Variants in CRISPLD2 observed in about 807,000 individuals in gnomAD.
CRISPLD2 encodes the protein cysteine rich secretory protein LCCL domain containing 2, also known as cysteine-rich secretory protein LCCL domain-containing 2.
CRISPLD2 carries 47 observed loss-of-function variants against 71.1 expected under a neutral mutation model. The ratio of observed to expected loss-of-function variants is 0.66; its 90% CI spans 0.52 to 0.84. CRISPLD2 has a LOEUF of 0.84. CRISPLD2 is among the 40% of genes least tolerant of loss of function. The pLI, the probability that CRISPLD2 is intolerant of heterozygous loss-of-function variation, is 0.00. For missense variants in CRISPLD2, 830 were observed against 651.1 expected, an observed-to-expected ratio of 1.27 and a Z score of -2.99; for synonymous variants, 317 against 250.1, an observed-to-expected ratio of 1.27 and a Z score of -2.52.
At chr16:84,905,831 T>TC (rs1413531137) in intron 14 of CRISPLD2, among the ~76,000 whole-genome samples, 1 of 150,536 alleles carries the variant, frequency 6.6e-6, no homozygotes, top group Non-Finnish European at 1.5e-5. Context: ...TGCCTCAGCC[T>TC]CCCGAGTAGC....
intron 6 of CRISPLD2, among the ~76,000 whole-genome samples, chr16:84,862,539 A>G (rs900847639): frequency 5.3e-5 from 8 of 152,076 alleles, no homozygotes; most frequent in Non-Finnish European, 5.9e-5. Flanking sequence ...CACTTCTGCT[A>G]CTATAAATAA....
chr16:84,850,657 C>T lies in CRISPLD2; in HGVS notation c.582C>T (p.Val194=), dbSNP rs779069297. 5.0e-6 allele frequency: 8 copies of T among 1,613,882 alleles called. No individual in the cohort carries two copies. In the African/African-American group the frequency reaches 9.3e-5, roughly 19 times the overall value. Residue 194 remains valine, a synonymous_variant, in exon 5 of 15, where the codon GTC becomes GTT. Transcript: ENST00000262424. ...TVWGEVWENA[V]YFVCNYSPKG... ...GGGGAGAAGTTTGGGAGAACGCGGT[C>T]TACTTTGTCTGCAATTATTCTCCAA...
intron 2 of CRISPLD2, among the ~76,000 whole-genome samples, chr16:84,840,687 T>A (rs573697187): frequency 6.6e-6 from 1 of 152,174 alleles, no homozygotes; most frequent in South Asian, 2.1e-4. Context: ...TTTGTATTTT[T>A]ATTAGAGACG....
intron 1 of CRISPLD2, among the ~76,000 whole-genome samples, chr16:84,821,071 A>T (rs1257987732): frequency 6.6e-6 from 1 of 152,204 alleles, no homozygotes; most frequent in Non-Finnish European, 1.5e-5. Context: ...GGCTGAGAGA[A>T]GCATCCCGTG....
intron 6 of CRISPLD2, among the ~76,000 whole-genome samples, chr16:84,856,783 G>A (rs1917252400): frequency 6.6e-6 from 1 of 152,208 alleles, no homozygotes; most frequent in African/African-American, 2.4e-5. Flanking sequence ...GCTTCAGAAT[G>A]TTGGGGAACA....
At chr16:84,820,859 G>A (rs1056830774) in intron 1 of CRISPLD2, among the ~76,000 whole-genome samples, 4 of 152,120 alleles carry the variant, frequency 2.6e-5, no homozygotes, top group East Asian at 1.9e-4. Context: ...CCCTGGAAGC[G>A]GAGGGCTCAC....
chr16:84,848,318 A>C (rs950011241), intron 3 of CRISPLD2, among the ~76,000 whole-genome samples: 28 of 152,292 alleles, frequency 1.8e-4, no homozygotes, highest in Middle Eastern at 3.4e-3. Context: ...CAAGACCTCT[A>C]ACTGCCTCGA....
intron 13 of CRISPLD2, among the ~76,000 whole-genome samples, chr16:84,880,886 G>A (rs1448350648): frequency 6.6e-6 from 1 of 151,960 alleles, no homozygotes; most frequent in African/African-American, 2.4e-5. Flanking sequence ...TGTATTTTCA[G>A]TAGAGACAGG....
intron 1 of CRISPLD2, 42 bp from the exon 2 acceptor site, chr16:84,838,380 C>T (rs1808116992): frequency 6.1e-6 from 8 of 1,315,246 alleles, no homozygotes; most frequent in African/African-American, 2.9e-5. Context: ...TGACCGGCTC[C>T]TACTAATGCG....
At chr16:84,889,824 A>G (rs1772468499) in intron 14 of CRISPLD2, among the ~76,000 whole-genome samples, 1 of 151,526 alleles carries the variant, frequency 6.6e-6, no homozygotes, top group Admixed American at 6.6e-5. Flanking sequence ...GGATCAAATG[A>G]TAGTTACATA....
intron 13 of CRISPLD2, among the ~76,000 whole-genome samples, chr16:84,888,638 C>T (rs991238697): frequency 6.6e-6 from 1 of 152,236 alleles, no homozygotes; most frequent in African/African-American, 2.4e-5. Flanking sequence ...CTCTGCCTGA[C>T]TCACTGTATT....
intron 1 of CRISPLD2, among the ~76,000 whole-genome samples, chr16:84,834,256 G>A (rs773969617): frequency 8.5e-5 from 13 of 152,228 alleles, no homozygotes; most frequent in East Asian, 7.7e-4. Context: ...GGCCCCCTTC[G>A]CCCTGAGGGT....
At chr16:84,841,063 C>G (rs542531948) in intron 2 of CRISPLD2, among the ~76,000 whole-genome samples, 48 of 152,276 alleles carry the variant, frequency 3.2e-4, no homozygotes, top group African/African-American at 1.1e-3. Flanking sequence ...GGAGCACCTT[C>G]GATGTGCCAG....
In CRISPLD2 at chr16:84,866,971, C is replaced by G. The variant is rs150433030; in HGVS notation, c.784C>G (p.His262Asp). The G allele has an allele frequency of 4.2e-3, 6,844 of 1,614,018 alleles. 21 individuals are homozygous for G. Among genetic ancestry groups the G allele is most frequent in the Non-Finnish European group, 5.2e-3 (6,135 of 1,179,998 alleles). Residue 262 changes from histidine to aspartate, a missense_variant, in exon 7 of 15, where the codon CAT becomes GAT. Coordinates refer to ENST00000262424, the MANE Select transcript of CRISPLD2 (RefSeq NM_031476.4). ...AACGGCTCCCATTCCTGAAGAAAAC[C>G]ATGTTTGGCTCCAACCGAGGGTGAT... is the stretch of plus-strand genomic sequence containing the variant. ...VETAPIPEEN[H>D]VWLQPRVMRP...
At chr16:84,898,108 C>T (rs2071722426) in intron 14 of CRISPLD2, among the ~76,000 whole-genome samples, 1 of 152,168 alleles carries the variant, frequency 6.6e-6, no homozygotes, top group Non-Finnish European at 1.5e-5. Context: ...TTTTCTTTCA[C>T]TGTAATAAAC....
At chr16:84,836,841 C>A (rs963822878) in intron 1 of CRISPLD2, among the ~76,000 whole-genome samples, 6 of 152,288 alleles carry the variant, frequency 3.9e-5, no homozygotes, top group East Asian at 1.9e-4. Flanking sequence ...ATGTGAAGAA[C>A]TGAGCCCCGT....
chr16:84,850,492 A>T, intron 4 of CRISPLD2, 76 bp from the exon 5 acceptor site: 1 of 1,206,720 alleles, frequency 8.3e-7, no homozygotes, highest in African/African-American at 1.5e-5. Context: ...CCAGCACCTT[A>T]TACATCCAGG....
At chr16:84,861,616 A>C (rs779597337) in intron 6 of CRISPLD2, among the ~76,000 whole-genome samples, 1 of 152,076 alleles carries the variant, frequency 6.6e-6, no homozygotes, top group African/African-American at 2.4e-5. Context: ...CTCAAATGTT[A>C]ATCTCCTTTG....
Position 84,877,483 on chromosome 16 carries a change from T to G in CRISPLD2, c.1202T>G (p.Phe401Cys). The G allele has an allele frequency of 6.2e-7, 1 of 1,613,986 alleles. No homozygotes were observed. Among genetic ancestry groups the G allele is most frequent in the Non-Finnish European group, 8.5e-7 (1 of 1,179,888 alleles). Residue 401 changes from phenylalanine to cysteine, a missense_variant, in exon 12 of 15, where the codon TTT becomes TGT. Coordinates refer to ENST00000262424, the MANE Select transcript of CRISPLD2 (RefSeq NM_031476.4). ...ACGACCGTTGCTCAGCTGTGCCCGT[T>G]TGAAAAGCCAGCAACTCACTGCCCA... ...CYTTVAQLCP[F>C]EKPATHCPRI... is the part of the protein sequence containing the mutation.
Sources: allele counts gnomAD v4.1 joint callset (sites outside exome capture counted in the v4.1 genomes callset), GRCh38; gene constraint gnomAD v4.1.1; transcripts MANE v1.5; gene names NCBI Gene and HGNC (gene_info 2026-07-23, HGNC 2026-07-21).